The following LDLRAD4 variants were observed in gnomAD, a reference collection of about 807,000 sequenced individuals.
The protein encoded by LDLRAD4 is low-density lipoprotein receptor class A domain-containing protein 4.
Under a neutral mutation model 17.0 loss-of-function variants are expected in LDLRAD4, and 5 were observed. That is an observed-to-expected ratio of 0.29 (90% CI 0.15 to 0.62). LDLRAD4 has a LOEUF of 0.62. Among genes scored for constraint, LDLRAD4 ranks in the 20% least tolerant of loss-of-function variants. LDLRAD4 has a pLI of 0.84. For synonymous variants in LDLRAD4, 168 were observed against 171.8 expected (o/e 0.98, Z 0.17); for missense variants, 340 against 424.7 (o/e 0.80, Z 1.75).
chr18:13,363,106 G>A (rs917278917), intron 1 of LDLRAD4, among the ~76,000 whole-genome samples: 9 of 151,982 alleles, frequency 5.9e-5, no homozygotes, highest in East Asian at 1.9e-4. Flanking sequence ...AGAGGCGGGC[G>A]GATCACGAGG....
chr18:13,368,265 G>A (rs1313862745), intron 1 of LDLRAD4, among the ~76,000 whole-genome samples: 1 of 152,094 alleles, frequency 6.6e-6, no homozygotes. Flanking sequence ...GGGACTTTGG[G>A]GGATGAGCTA....
At chr18:13,564,531 T>G (rs1222701930) in intron 3 of LDLRAD4, among the ~76,000 whole-genome samples, 1 of 151,058 alleles carries the variant, frequency 6.6e-6, no homozygotes, top group African/African-American at 2.4e-5. Flanking sequence ...TCTCCTTGGT[T>G]TTTCTGTTTT....
At chr18:13,555,031 G>A (rs1333384341) in intron 3 of LDLRAD4, among the ~76,000 whole-genome samples, 6 of 152,134 alleles carry the variant, frequency 3.9e-5, no homozygotes, top group Admixed American at 2.6e-4. Context: ...AATCATGAGC[G>A]AAAACAGCAG....
chr18:13,378,679 A>AT (rs1167772379), intron 1 of LDLRAD4, among the ~76,000 whole-genome samples: 1 of 152,102 alleles, frequency 6.6e-6, no homozygotes, highest in African/African-American at 2.4e-5. Flanking sequence ...CTTTCTTGAC[A>AT]TTTTTTTCCT....
intron 1 of LDLRAD4, among the ~76,000 whole-genome samples, chr18:13,352,108 A>G (rs1380018627): frequency 6.6e-6 from 1 of 152,196 alleles, no homozygotes; most frequent in African/African-American, 2.4e-5. Flanking sequence ...TTGATGTAAC[A>G]TATCTCAAAA....
chr18:13,241,899 A>C (rs2042673669), intron 1 of LDLRAD4: 1 of 152,234 alleles, frequency 6.6e-6, no homozygotes, highest in African/African-American at 2.4e-5. Flanking sequence ...ATTAAAAATA[A>C]ATGTCGTGGG....
At chr18:13,587,420 G>A (rs916428112) in intron 3 of LDLRAD4, among the ~76,000 whole-genome samples, 2 of 152,150 alleles carry the variant, frequency 1.3e-5, no homozygotes, top group Admixed American at 6.5e-5. Flanking sequence ...GGTCTTTACC[G>A]AGAACAGTCG....
At chr18:13,263,179 C>T (rs1434175077) in intron 1 of LDLRAD4, among the ~76,000 whole-genome samples, 1 of 141,922 alleles carries the variant, frequency 7.0e-6, no homozygotes, top group Non-Finnish European at 1.5e-5. Context: ...GGCTGAGTCC[C>T]TTGTGGCTCC....
chr18:13,449,969 C>T (rs980553622), intron 3 of LDLRAD4, among the ~76,000 whole-genome samples: 16 of 152,290 alleles, frequency 1.1e-4, no homozygotes, highest in South Asian at 2.1e-4. Flanking sequence ...GATGTAAGCC[C>T]GTGTCTTGAC....
chr18:13,529,459 C>G (rs1035172187), intron 3 of LDLRAD4, among the ~76,000 whole-genome samples: 1 of 152,222 alleles, frequency 6.6e-6, no homozygotes, highest in Non-Finnish European at 1.5e-5. Flanking sequence ...GAGACCTTGG[C>G]AACCTCAAAG....
At chr18:13,397,158 C>T (rs1026211391) in intron 2 of LDLRAD4, among the ~76,000 whole-genome samples, 33 of 151,838 alleles carry the variant, frequency 2.2e-4, no homozygotes, top group African/African-American at 5.6e-4. Flanking sequence ...TTTTTTTAGA[C>T]GGAGTCTCTC....
upstream of LDLRAD4, among the ~76,000 whole-genome samples, chr18:13,273,234 G>A (rs186292784): frequency 2.0e-5 from 3 of 152,258 alleles, no homozygotes; most frequent in Non-Finnish European, 2.9e-5. Context: ...CAGCTGCTCC[G>A]TGTGTTTTCT....
chr18:13,651,498 C>A (rs9945994), exon 6 of LDLRAD4: 73,501 of 152,150 alleles, frequency 0.48, 19,025 homozygotes, highest in East Asian at 0.83. Context: ...TAATACGGAC[C>A]CAAAAAGCAA....
At chr18:13,530,469 C>A (rs554812502) in intron 3 of LDLRAD4, among the ~76,000 whole-genome samples, 2 of 152,362 alleles carry the variant, frequency 1.3e-5, no homozygotes, top group South Asian at 4.1e-4. Flanking sequence ...GCTGCGTGTT[C>A]TTGGGCAGCG....
intron 1 of LDLRAD4, among the ~76,000 whole-genome samples, chr18:13,351,269 A>G (rs2083022103): frequency 6.6e-6 from 1 of 152,134 alleles, no homozygotes; most frequent in Non-Finnish European, 1.5e-5. Context: ...TGAGGATGGA[A>G]TGTTTTTCCA....
chr18:13,329,653 A>G (rs2081738870), intron 1 of LDLRAD4, among the ~76,000 whole-genome samples: 1 of 152,240 alleles, frequency 6.6e-6, no homozygotes, highest in African/African-American at 2.4e-5. Flanking sequence ...CAAACAAGAC[A>G]AAATACCCAA....
At chr18:13,368,816 G>C (rs2084257126) in intron 1 of LDLRAD4, among the ~76,000 whole-genome samples, 1 of 152,168 alleles carries the variant, frequency 6.6e-6, no homozygotes, top group African/African-American at 2.4e-5. Flanking sequence ...ATACACTTTG[G>C]CACTCTGATA....
chr18:13,487,214 T>C (rs922325629), intron 3 of LDLRAD4: 1 of 152,264 alleles, frequency 6.6e-6, no homozygotes, highest in Non-Finnish European at 1.5e-5. Flanking sequence ...CCAGGAAGTG[T>C]AGCAAAAGGC....
intron 3 of LDLRAD4, among the ~76,000 whole-genome samples, chr18:13,571,155 A>G (rs774768918): frequency 3.3e-5 from 5 of 152,124 alleles, no homozygotes; most frequent in Non-Finnish European, 7.4e-5. Flanking sequence ...GAATGTGTCC[A>G]CTTTCCTCAC....
Sources: allele counts gnomAD v4.1 joint callset (sites outside exome capture counted in the v4.1 genomes callset), GRCh38; gene constraint gnomAD v4.1.1; transcripts MANE v1.5; gene names NCBI Gene and HGNC (gene_info 2026-07-23, HGNC 2026-07-21).